THSD7A: variants seen among roughly 807,000 people sequenced by gnomAD.
THSD7A encodes thrombospondin type-1 domain-containing protein 7A.
THSD7A carries 96 observed loss-of-function variants against 231.3 expected under a neutral mutation model. The ratio of observed to expected loss-of-function variants is 0.41; its 90% CI spans 0.35 to 0.49. THSD7A has a LOEUF of 0.49. Among genes scored for constraint, THSD7A ranks in the 20% least tolerant of loss-of-function variants. The pLI is 0.05. For missense variants in THSD7A, 2,290 were observed against 2,070.2 expected, an observed-to-expected ratio of 1.11 and a Z score of -2.06; for synonymous variants, 940 against 743.3, an observed-to-expected ratio of 1.26 and a Z score of -4.30.
intron 24 of THSD7A, among the ~76,000 whole-genome samples, chr7:11,381,510 T>C (rs956928466): frequency 9.2e-5 from 14 of 152,190 alleles, no homozygotes; most frequent in South Asian, 6.2e-4. Flanking sequence ...TTACTGTATA[T>C]ATTAAAGTTA....
chr7:11,826,587 G>A (rs1785034379), intron 1 of THSD7A, among the ~76,000 whole-genome samples: 1 of 152,052 alleles, frequency 6.6e-6, no homozygotes, highest in Non-Finnish European at 1.5e-5. Flanking sequence ...CAAGGTGGGT[G>A]GATCACCTGA....
intron 26 of THSD7A, 73 bp downstream of exon 26, chr7:11,378,997 C>T (rs972507555): frequency 1.4e-6 from 2 of 1,439,884 alleles, no homozygotes; most frequent in Non-Finnish European, 9.6e-7. Flanking sequence ...ATGCTTTGCT[C>T]ACTTTTTTAA....
intron 9 of THSD7A, among the ~76,000 whole-genome samples, chr7:11,464,407 C>T (rs907091422): frequency 6.6e-6 from 1 of 152,054 alleles, no homozygotes; most frequent in African/African-American, 2.4e-5. Context: ...GCATTAGTGG[C>T]ACCTCATAGA....
intron 6 of THSD7A, among the ~76,000 whole-genome samples, chr7:11,493,949 T>C (rs1239842433): frequency 2.0e-5 from 3 of 151,956 alleles, no homozygotes; most frequent in African/African-American, 7.2e-5. Context: ...CAATTACTGC[T>C]CTGAAGAAAC....
At position 11,636,830 on chromosome 7, in the gene THSD7A, G is replaced by C; in HGVS notation, c.322C>G (p.Gln108Glu). 3 of 1,613,924 alleles carry C rather than the reference G, an allele frequency of 1.9e-6. No homozygotes were observed. Among genetic ancestry groups the C allele is most frequent in the Middle Eastern group, 3.3e-4 (2 of 6,062 alleles). Residue 108 changes from glutamine to glutamate, a missense_variant, in exon 2 of 28, where the codon CAG (glutamine) becomes GAG (glutamate). By Grantham distance (29) the Gln-to-Glu change is conservative (BLOSUM62 2). Transcript: ENST00000423059. The surrounding 1 kb of genome is among the most constrained non-coding windows in gnomAD (Gnocchi z 10.0). ...NCKQAERPNNQQNCFKVCDWH... is the reference protein window; with the variant it reads ...NCKQAERPNNEQNCFKVCDWH... ...TCGCAAACTTTGAAACAATTCTGCTGGTTATTGGGTCTCTCGGCCTGCTTA... is the reference window on the plus strand; with the variant it reads ...TCGCAAACTTTGAAACAATTCTGCTCGTTATTGGGTCTCTCGGCCTGCTTA...
In THSD7A at chr7:11,411,139, G is replaced by A. The variant is rs1783770317; in HGVS notation, c.3798+68C>T. On this transcript the variant is annotated intron_variant, in intron 19 of 27. Coordinates refer to ENST00000423059, the MANE Select transcript of THSD7A (RefSeq NM_015204.3). The surrounding 1 kb of genome is among the most constrained non-coding windows in gnomAD (Gnocchi z 4.1). ...GAGCTGCATGGAGCACGGGTCACTT[G>A]GCTCAGCATGAATTGAAATTATTAG... 8.2e-7 allele frequency: 1 copy of A among 1,220,780 alleles called. No individual in the cohort carries two copies. Among genetic ancestry groups the A allele is most frequent in the East Asian group, 2.4e-5 (1 of 42,286 alleles). 75.6% of individuals were successfully genotyped at this position (1,220,780 alleles called of 1,614,324 possible).
chr7:11,461,425 C>A (rs192511386), intron 10 of THSD7A, among the ~76,000 whole-genome samples: 30 of 152,148 alleles, frequency 2.0e-4, no homozygotes, highest in Non-Finnish European at 3.4e-4. Context: ...CAAATGTATA[C>A]GTCAGATTTC....
At chr7:11,779,596 A>G (rs1254940825) in intron 1 of THSD7A, among the ~76,000 whole-genome samples, 1 of 152,166 alleles carries the variant, frequency 6.6e-6, no homozygotes, top group Non-Finnish European at 1.5e-5. Flanking sequence ...AATATTTCTA[A>G]CTTACATCCA....
At chr7:11,641,061 T>C (rs1201610050) in intron 1 of THSD7A, among the ~76,000 whole-genome samples, 1 of 152,144 alleles carries the variant, frequency 6.6e-6, no homozygotes, top group Non-Finnish European at 1.5e-5. Context: ...AAAATTACCA[T>C]TTGACATATA....
At chr7:11,457,172 A>G (rs925324595) in intron 11 of THSD7A, among the ~76,000 whole-genome samples, 1 of 151,952 alleles carries the variant, frequency 6.6e-6, no homozygotes, top group Non-Finnish European at 1.5e-5. Flanking sequence ...ATGTTACCCA[A>G]ATTTCCATCT....
Position 11,446,366 on chromosome 7 carries a change from C to T in THSD7A, c.2801-42G>A. 1.8e-5 allele frequency: 28 copies of T among 1,573,868 alleles called. No homozygotes were observed. The highest frequency in any genetic ancestry group is 2.3e-5 in the Non-Finnish European group (27 of 1,161,524). On this transcript the variant is annotated intron_variant, in intron 12 of 27. Coordinates refer to ENST00000423059, the MANE Select transcript of THSD7A (RefSeq NM_015204.3). The surrounding 1 kb of genome is among the most constrained non-coding windows in gnomAD (Gnocchi z 4.0). ...ATCAGGCAATTTAAGTTGGAAAATACCATCATTAATTTCACACATCCCTAA... is the reference window on the plus strand; with the variant it reads ...ATCAGGCAATTTAAGTTGGAAAATATCATCATTAATTTCACACATCCCTAA...
chr7:11,704,221 C>G (rs1780692092), intron 1 of THSD7A, among the ~76,000 whole-genome samples: 1 of 150,948 alleles, frequency 6.6e-6, no homozygotes, highest in Non-Finnish European at 1.5e-5. Context: ...CACAGTACAC[C>G]ATTACTCCTA....
At chr7:11,413,278 T>A (rs1007678138) in intron 17 of THSD7A, among the ~76,000 whole-genome samples, 5 of 151,906 alleles carry the variant, frequency 3.3e-5, no homozygotes. Context: ...TAATTTTAAT[T>A]CTTAATTTAG....
intron 1 of THSD7A, among the ~76,000 whole-genome samples, chr7:11,692,997 T>C (rs1584222009): frequency 1.3e-5 from 2 of 151,378 alleles, no homozygotes; most frequent in Non-Finnish European, 3.0e-5. Flanking sequence ...AAGGTTTTTT[T>C]GTTTGTTTGT....
chr7:11,560,865 A>G (rs1790048871), intron 4 of THSD7A, among the ~76,000 whole-genome samples: 1 of 152,182 alleles, frequency 6.6e-6, no homozygotes, highest in South Asian at 2.1e-4. Context: ...ACAAAAGTTT[A>G]GAAGAGGGTT....
chr7:11,697,673 G>A (rs1780444260), intron 1 of THSD7A, among the ~76,000 whole-genome samples: 1 of 151,226 alleles, frequency 6.6e-6, no homozygotes, highest in Non-Finnish European at 1.5e-5. Flanking sequence ...GTTTTCAAAT[G>A]TCTTCTCATT....
At chr7:11,557,151 T>A (rs2128328126) in intron 4 of THSD7A, among the ~76,000 whole-genome samples, 1 of 152,172 alleles carries the variant, frequency 6.6e-6, no homozygotes. Flanking sequence ...ATACTTTTAG[T>A]TTTCTTCCCT....
chr7:11,496,180 C>T (rs1013772451), intron 6 of THSD7A, among the ~76,000 whole-genome samples: 10 of 152,060 alleles, frequency 6.6e-5, no homozygotes, highest in African/African-American at 2.2e-4. Context: ...AAGTGTTTTA[C>T]AGGATTTAGC....
intron 4 of THSD7A, among the ~76,000 whole-genome samples, chr7:11,558,989 G>A (rs1437489884): frequency 6.6e-6 from 1 of 152,026 alleles, no homozygotes; most frequent in East Asian, 1.9e-4. Context: ...AGAAAAAGGA[G>A]TGGAGAGATA....
Sources: allele counts gnomAD v4.1 joint callset (sites outside exome capture counted in the v4.1 genomes callset), GRCh38; gene constraint gnomAD v4.1.1; non-coding constraint Gnocchi (gnomAD v3.1); transcripts MANE v1.5; gene names NCBI Gene and HGNC (gene_info 2026-07-23, HGNC 2026-07-21).